RAD51B: variants seen among roughly 807,000 people sequenced by gnomAD.
RAD51B encodes RAD51 paralog B.
In RAD51B, 38 loss-of-function variants were observed where a neutral mutation model predicts 42.2. The ratio of observed to expected loss-of-function variants is 0.90; its 90% CI spans 0.70 to 1.18. The LOEUF is 1.18. Among genes scored for constraint, RAD51B ranks in the 50% most tolerant of loss-of-function variants. The pLI is 0.00. For synonymous variants in RAD51B, 154 were observed against 145.2 expected (o/e 1.06, Z -0.43); for missense variants, 373 against 400.7 (o/e 0.93, Z 0.59).
At chr14:68,245,022 T>C (rs1248745719) in intron 7 of RAD51B, among the ~76,000 whole-genome samples, 2 of 152,202 alleles carry the variant, frequency 1.3e-5, no homozygotes, top group Non-Finnish European at 2.9e-5. Context: ...TAACACTAAC[T>C]AGCTCAGATG....
intron 7 of RAD51B, among the ~76,000 whole-genome samples, chr14:67,954,406 G>C (rs898528618): frequency 2.0e-5 from 3 of 152,090 alleles, no homozygotes; most frequent in Non-Finnish European, 4.4e-5. Flanking sequence ...GCTGACTCTC[G>C]TGTTTGCTTT....
intron 7 of RAD51B, among the ~76,000 whole-genome samples, chr14:67,960,522 G>A (rs748688430): frequency 3.9e-5 from 6 of 152,262 alleles, no homozygotes; most frequent in African/African-American, 1.4e-4. Flanking sequence ...GAATTTGATA[G>A]CATCAACATG....
chr14:68,547,193 G>C (rs1460145223), intron 10 of RAD51B, among the ~76,000 whole-genome samples: 1 of 152,188 alleles, frequency 6.6e-6, no homozygotes, highest in Non-Finnish European at 1.5e-5. Flanking sequence ...GTGGCTTCTG[G>C]CTCTAAATCT....
intron 7 of RAD51B, among the ~76,000 whole-genome samples, chr14:68,202,573 CTTTTTTTTTTTTT>C (rs145298493): frequency 6.1e-5 from 5 of 81,612 alleles, no homozygotes; most frequent in African/African-American, 2.0e-4. Flanking sequence ...GAAGCAACGT[CTTTTTTTTTTTTT>C]TTTTTTTTTT....
chr14:67,887,113 C>G lies in RAD51B; in HGVS notation c.665C>G (p.Ala222Gly). The change falls in exon 7 of 11, where the codon GCA (alanine) becomes GGA (glycine). Residue 222 changes from alanine to glycine, a missense_variant. Physicochemically the swap from Ala to Gly is moderately conservative, Grantham distance 60. Coordinates refer to ENST00000471583, the MANE Select transcript of RAD51B (RefSeq NM_133510.4). ...VASVVRKEFD[A>G]QLQGNLKERN... ...TCTGTGGTCAGAAAGGAGTTTGATG[C>G]ACAACTTCAAGGCAATCTCAAAGAA... The G allele has an allele frequency of 6.2e-7, 1 of 1,605,442 alleles. No individual in the cohort carries two copies. Among genetic ancestry groups the G allele is most frequent in the South Asian group, 1.1e-5 (1 of 90,504 alleles).
chr14:68,550,900 C>T (rs544593407), intron 10 of RAD51B, among the ~76,000 whole-genome samples: 6 of 152,154 alleles, frequency 3.9e-5, no homozygotes, highest in Admixed American at 6.5e-5. Flanking sequence ...TAAAGAGAGG[C>T]ATTTATAACC....
intron 11 of RAD51B, among the ~76,000 whole-genome samples, chr14:68,652,476 G>C (rs11627234): frequency 0.21 from 32,083 of 152,124 alleles, 3,642 homozygotes; most frequent in Middle Eastern, 0.25. Context: ...AAGGGATCCC[G>C]TCTAGAGAAG....
intron 10 of RAD51B, among the ~76,000 whole-genome samples, chr14:68,619,801 A>G (rs1392195251): frequency 2.0e-5 from 3 of 152,178 alleles, no homozygotes; most frequent in East Asian, 1.9e-4. Context: ...CATTAAACGT[A>G]CTTGCCTTCC....
chr14:68,556,305 C>A (rs1482505027), intron 10 of RAD51B, among the ~76,000 whole-genome samples: 1 of 152,188 alleles, frequency 6.6e-6, no homozygotes, highest in African/African-American at 2.4e-5. Context: ...ACTTTCCTAT[C>A]CTACTTTGGG....
chr14:68,515,778 CTTTTTTT>C (rs546071661), intron 10 of RAD51B, among the ~76,000 whole-genome samples: 1 of 113,422 alleles, frequency 8.8e-6, no homozygotes, highest in Non-Finnish European at 1.8e-5. Flanking sequence ...CTTTTCTTTT[CTTTTTTT>C]TTTTTTTTTT....
At chr14:68,607,915 G>A (rs1368408290) in intron 10 of RAD51B, among the ~76,000 whole-genome samples, 1 of 152,236 alleles carries the variant, frequency 6.6e-6, no homozygotes, top group African/African-American at 2.4e-5. Context: ...GGAAAGAAGA[G>A]CCAGGCCGAA....
At chr14:67,904,490 C>G (rs1220856909) in intron 7 of RAD51B, among the ~76,000 whole-genome samples, 1 of 147,094 alleles carries the variant, frequency 6.8e-6, no homozygotes, top group African/African-American at 2.5e-5. Flanking sequence ...ATACATTTCT[C>G]TAATGATTAG....
chr14:68,418,378 A>C (rs1030590385), intron 9 of RAD51B, among the ~76,000 whole-genome samples: 3 of 152,244 alleles, frequency 2.0e-5, no homozygotes, highest in Non-Finnish European at 4.4e-5. Context: ...CAGAGCATGT[A>C]GGTGGTTTAC....
At chr14:67,820,001 T>C (rs1020551187) in intron 1 of RAD51B, 148 bp downstream of exon 1, 2 of 152,190 alleles carry the variant, frequency 1.3e-5, no homozygotes, top group African/African-American at 4.8e-5. Context: ...AGACTCGGGA[T>C]CGTCACTAAG....
At chr14:67,949,410 T>C (rs1041339634) in intron 7 of RAD51B, among the ~76,000 whole-genome samples, 1 of 152,208 alleles carries the variant, frequency 6.6e-6, no homozygotes, top group African/African-American at 2.4e-5. Context: ...GCTCATACCT[T>C]ATCCCTCATC....
At chr14:68,031,596 G>A (rs2076042438) in intron 7 of RAD51B, among the ~76,000 whole-genome samples, 1 of 152,122 alleles carries the variant, frequency 6.6e-6, no homozygotes, top group Admixed American at 6.5e-5. Flanking sequence ...AGAGAGGCTG[G>A]GGTGGGAAGA....
intron 7 of RAD51B, among the ~76,000 whole-genome samples, chr14:68,167,608 T>G (rs1264185015): frequency 6.6e-6 from 1 of 152,132 alleles, no homozygotes; most frequent in African/African-American, 2.4e-5. Context: ...CTACTCCCTT[T>G]TCAGTGTTGC....
At chr14:67,894,542 G>A (rs1319735159) in intron 7 of RAD51B, among the ~76,000 whole-genome samples, 1 of 152,170 alleles carries the variant, frequency 6.6e-6, no homozygotes, top group Non-Finnish European at 1.5e-5. Flanking sequence ...TACAAATAAG[G>A]TAATTGTAGA....
chr14:68,439,809 G>C (rs1181687037), intron 9 of RAD51B, among the ~76,000 whole-genome samples: 1 of 152,224 alleles, frequency 6.6e-6, no homozygotes, highest in Non-Finnish European at 1.5e-5. Context: ...GGGGTTGGGG[G>C]TTTGAAACCA....
Sources: gnomAD v4.1 joint callset for allele counts (sites outside exome capture counted in the v4.1 genomes callset) on GRCh38, gnomAD v4.1.1 for gene constraint, MANE v1.5 for transcripts, NCBI Gene and HGNC (gene_info 2026-07-23, HGNC 2026-07-21) for gene names.